Variants in ZNF362 observed in about 807,000 individuals in gnomAD.
ZNF362 encodes rotund homolog.
ZNF362 carries 11 observed loss-of-function variants against 42.9 expected under a neutral mutation model. The observed-to-expected ratio is 0.26, with a 90% confidence interval of 0.16 to 0.42. ZNF362 has a LOEUF of 0.42. Ranked by LOEUF, ZNF362 falls within the 20% of genes least tolerant of loss-of-function variation. The pLI, the probability that ZNF362 is intolerant of heterozygous loss-of-function variation, is 1.00. For missense variants in ZNF362, 362 were observed against 576.2 expected (o/e 0.63, Z 3.81); for synonymous variants, 255 against 257.3 (o/e 0.99, Z 0.09).
the ZNF362 span, among the ~76,000 whole-genome samples, chr1:33,227,707 A>G: frequency 1.3e-5 from 2 of 152,176 alleles, no homozygotes; most frequent in African/African-American, 4.8e-5. Context: ...GGTATTTGCT[A>G]TGCAGCAACA....
chr1:33,161,577 G>A, the ZNF362 span, among the ~76,000 whole-genome samples: 1 of 152,162 alleles, frequency 6.6e-6, no homozygotes, highest in Admixed American at 6.5e-5. The surrounding 1 kb of genome is among the most constrained non-coding windows in gnomAD (Gnocchi z 4.3). Flanking sequence ...CACCCAGAAC[G>A]CCAGGCAGAC....
At chr1:33,212,276 A>G in the ZNF362 span, among the ~76,000 whole-genome samples, 1 of 152,122 alleles carries the variant, frequency 6.6e-6, no homozygotes, top group Non-Finnish European at 1.5e-5. Flanking sequence ...TGAGCCACTT[A>G]AACCTCTTTT....
At chr1:33,271,790 C>T (rs549970772) in intron 2 of ZNF362, among the ~76,000 whole-genome samples, 5 of 150,316 alleles carry the variant, frequency 3.3e-5, no homozygotes, top group Admixed American at 3.3e-4. Flanking sequence ...GGCAGATGTG[C>T]GGTAGATCAC....
the ZNF362 span, among the ~76,000 whole-genome samples, chr1:33,189,520 A>G: frequency 2.0e-5 from 3 of 150,674 alleles, no homozygotes; most frequent in Non-Finnish European, 3.0e-5. Flanking sequence ...TATATTCTAC[A>G]TCGTTTATTG....
At chr1:33,170,044 CCGGG>C in the ZNF362 span, among the ~76,000 whole-genome samples, 1 of 152,128 alleles carries the variant, frequency 6.6e-6, no homozygotes, top group Non-Finnish European at 1.5e-5. Flanking sequence ...CCCTACTAGG[CCGGG>C]CACAGTGGCT....
the ZNF362 span, among the ~76,000 whole-genome samples, chr1:33,137,602 G>C: frequency 6.6e-6 from 1 of 152,186 alleles, no homozygotes; most frequent in Admixed American, 6.5e-5. Context: ...GAGATCCCCA[G>C]AGGGGGGATC....
chr1:33,217,112 G>A, the ZNF362 span, among the ~76,000 whole-genome samples: 2 of 152,100 alleles, frequency 1.3e-5, no homozygotes, highest in Non-Finnish European at 2.9e-5. Context: ...GATGTTCCCA[G>A]GGAGCAATGA....
chr1:33,176,416 G>A, the ZNF362 span: 55 of 696,642 alleles, frequency 7.9e-5, no homozygotes, highest in East Asian at 1.4e-3. Context: ...ACCAGGGCTT[G>A]CGTCCAAGGC....
chr1:33,295,904 T>G (rs1421836776), intron 8 of ZNF362, among the ~76,000 whole-genome samples: 2 of 152,314 alleles, frequency 1.3e-5, no homozygotes, highest in East Asian at 1.9e-4. Context: ...AGCCTCAGTT[T>G]CCTCATCTGT....
the ZNF362 span, chr1:33,165,295 T>C: frequency 1.8e-6 from 1 of 556,610 alleles, no homozygotes; most frequent in Non-Finnish European, 3.2e-6. This position sits in a 1 kb window ranked among gnomAD's most constrained non-coding sequence, Gnocchi z 4.0. Context: ...CCCATTGAAC[T>C]TCACGGATGC....
chr1:33,134,790 C>T, the ZNF362 span, among the ~76,000 whole-genome samples: 1 of 152,202 alleles, frequency 6.6e-6, no homozygotes, highest in African/African-American at 2.4e-5. Context: ...AATAGGGGAG[C>T]GAGGATGAGT....
At chr1:33,156,694 G>T in the ZNF362 span, among the ~76,000 whole-genome samples, 1 of 152,118 alleles carries the variant, frequency 6.6e-6, no homozygotes, top group Non-Finnish European at 1.5e-5. Flanking sequence ...TAATGATGCT[G>T]GTGCTGACCT....
rs1189333504 is a variant in ZNF362 at position 33,281,763 on chromosome 1, A to G, written c.860A>G (p.Tyr287Cys). 6.2e-7 allele frequency: 1 copy of G among 1,614,044 alleles called. No homozygotes were observed. The highest frequency in any genetic ancestry group is 8.5e-7 in the Non-Finnish European group (1 of 1,180,014). ...GGCGTCAAGCCCTACCACTGCTCCT[A>G]CTGTGATAAGTCCTTCCGGCAGCTC... ...HLGVKPYHCS[Y>C]CDKSFRQLSH... Residue 287 changes from tyrosine (Y) to cysteine (C), a missense_variant, in exon 6 of 9, where the codon TAC becomes TGC. Physicochemically the swap from Tyr to Cys is radical, Grantham distance 194. Transcript: ENST00000539719. This position sits in a 1 kb window ranked among gnomAD's most constrained non-coding sequence, Gnocchi z 4.8.
At chr1:33,211,631 G>A in the ZNF362 span, among the ~76,000 whole-genome samples, 2 of 152,008 alleles carry the variant, frequency 1.3e-5, no homozygotes, top group South Asian at 4.2e-4. Context: ...TTCCCTTTGT[G>A]GGTAACCCGC....
chr1:33,152,817 C>T, the ZNF362 span, among the ~76,000 whole-genome samples: 1 of 152,086 alleles, frequency 6.6e-6, no homozygotes. Flanking sequence ...TGTGCCGGGA[C>T]TCAAAATGAC....
the ZNF362 span, among the ~76,000 whole-genome samples, chr1:33,172,195 T>C: frequency 6.6e-6 from 1 of 152,218 alleles, no homozygotes; most frequent in Non-Finnish European, 1.5e-5. Context: ...TCAATCTTAG[T>C]TGTCATTATC....
At chr1:33,209,707 G>A in the ZNF362 span, among the ~76,000 whole-genome samples, 1 of 152,300 alleles carries the variant, frequency 6.6e-6, no homozygotes, top group East Asian at 1.9e-4. Context: ...TAGTTTATTT[G>A]CATAGAGGTG....
intron 6 of ZNF362, among the ~76,000 whole-genome samples, chr1:33,287,742 C>T (rs988469600): frequency 1.3e-5 from 2 of 152,156 alleles, no homozygotes; most frequent in East Asian, 1.9e-4. Context: ...CTAATAACAA[C>T]GACAACTATT....
Position 33,294,349 on chromosome 1 carries a change from T to C in ZNF362, c.909-588T>C, listed in dbSNP as rs1646101720. On this transcript the variant is annotated intron_variant, in intron 6 of 8. Transcript: ENST00000539719. The surrounding 1 kb of genome is among the most constrained non-coding windows in gnomAD (Gnocchi z 4.2). Reference sequence around the variant, plus strand: ...AATAGCCAGGATGAGAACCCAGGAGTGGCAGGGACAGAAGGAGCTCTCAGG... The same window carrying C: ...AATAGCCAGGATGAGAACCCAGGAGCGGCAGGGACAGAAGGAGCTCTCAGG... Among the ~76,000 whole-genome samples the C allele has an allele frequency of 6.6e-6, 1 of 151,700 alleles. No individual in the cohort carries two copies. Among genetic ancestry groups the C allele is most frequent in the South Asian group, 2.1e-4 (1 of 4,800 alleles).
Sources: allele counts gnomAD v4.1 joint callset (sites outside exome capture counted in the v4.1 genomes callset), GRCh38; gene constraint gnomAD v4.1.1; non-coding constraint Gnocchi (gnomAD v3.1); transcripts MANE v1.5; gene names NCBI Gene and HGNC (gene_info 2026-07-23, HGNC 2026-07-21).